Variants in FOXK1 observed in about 807,000 individuals in gnomAD.
FOXK1 encodes the protein forkhead box K1, also known as forkhead box protein K1.
FOXK1 carries 19 observed loss-of-function variants against 51.9 expected under a neutral mutation model. The ratio of observed to expected loss-of-function variants is 0.37; its 90% CI spans 0.26 to 0.54. FOXK1 has a LOEUF of 0.54. Among genes scored for constraint, FOXK1 ranks in the 20% least tolerant of loss-of-function variants. FOXK1 has a pLI of 0.87. For missense variants in FOXK1, 870 were observed against 1,032.7 expected (o/e 0.84, Z 2.16); for synonymous variants, 537 against 482.6 (o/e 1.11, Z -1.48).
chr7:4,758,938 C>G lies in FOXK1; in HGVS notation c.1245-113C>G, dbSNP rs1419168052. Reference sequence around the variant, plus strand: ...ACCGTCTGAATGCGGAGGACAGAGACGAGCTCCAGGGAGCGTGGGCGGGTG... The same window carrying G: ...ACCGTCTGAATGCGGAGGACAGAGAGGAGCTCCAGGGAGCGTGGGCGGGTG... On this transcript the variant is annotated intron_variant, in intron 5 of 8. Transcript: ENST00000328914. This position sits in a 1 kb window ranked among gnomAD's most constrained non-coding sequence, Gnocchi z 4.4. The G allele has an allele frequency of 8.6e-7, 1 of 1,166,604 alleles. No homozygotes were observed. Among genetic ancestry groups the G allele is most frequent in the Non-Finnish European group, 1.2e-6 (1 of 840,376 alleles). 72.3% of individuals were successfully genotyped at this position (1,166,604 alleles called of 1,614,324 possible).
chr7:4,741,111 ATC>A (rs1400030789), intron 2 of FOXK1, 88 bp downstream of exon 2: 4 of 956,492 alleles, frequency 4.2e-6, no homozygotes, highest in South Asian at 2.1e-5. Flanking sequence ...CGGGTTCCAA[ATC>A]TCTCTGGAAA....
At chr7:4,698,698 A>G (rs924539289) in intron 1 of FOXK1, among the ~76,000 whole-genome samples, 1 of 151,968 alleles carries the variant, frequency 6.6e-6, no homozygotes, top group African/African-American at 2.4e-5. Context: ...GACTACAGGC[A>G]CGTGCCACCA....
intron 2 of FOXK1, among the ~76,000 whole-genome samples, chr7:4,742,004 G>C (rs951737136): frequency 1.3e-5 from 2 of 152,236 alleles, no homozygotes; most frequent in African/African-American, 2.4e-5. Flanking sequence ...TCTTCATTGC[G>C]GACATTTCTA....
Position 4,723,426 on chromosome 7 carries a change from C to T in FOXK1, c.561-17412C>T, listed in dbSNP as rs1352497549. Among the ~76,000 whole-genome samples the T allele has an allele frequency of 6.6e-6, 1 of 151,880 alleles. No individual in the cohort carries two copies. Among genetic ancestry groups the T allele is most frequent in the Non-Finnish European group, 1.5e-5 (1 of 67,966 alleles). On this transcript the variant is annotated intron_variant, in intron 1 of 8. Transcript: ENST00000328914. This position sits in a 1 kb window ranked among gnomAD's most constrained non-coding sequence, Gnocchi z 4.7. ...GGACGTTCCCAGCTGACTAAATTTG[C>T]CTTCTTCCTTCAGGGACCATCTTGG...
chr7:4,737,461 CAT>C (rs1491285104), intron 1 of FOXK1, among the ~76,000 whole-genome samples: 1 of 151,000 alleles, frequency 6.6e-6, no homozygotes, highest in African/African-American at 2.4e-5. Flanking sequence ...TGCACGTGTG[CAT>C]GTGTGTGTGT....
At position 4,735,455 on chromosome 7, in the gene FOXK1, G is replaced by T. The variant is rs1404006151; in HGVS notation, c.561-5383G>T. Among the ~76,000 whole-genome samples, 1 of 152,134 alleles carries T rather than the reference G, an allele frequency of 6.6e-6. No individual in the cohort carries two copies. The highest frequency in any genetic ancestry group is 1.5e-5 in the Non-Finnish European group (1 of 68,040). On this transcript the variant is annotated intron_variant, in intron 1 of 8. Transcript: ENST00000328914. This position sits in a 1 kb window ranked among gnomAD's most constrained non-coding sequence, Gnocchi z 4.7. The stretch of plus-strand genomic sequence containing the variant: ...TTGCGCGGCCACCAAGTCAACTTCG[G>T]AACATTTTCCTGACTCTAGAAAGAA...
chr7:4,757,260 C>A, intron 5 of FOXK1, 73 bp downstream of exon 5: 1 of 1,341,072 alleles, frequency 7.5e-7, no homozygotes, highest in Non-Finnish European at 1.0e-6. Context: ...AGATACGTGG[C>A]GCAGTCAGCC....
chr7:4,755,519 C>T lies in FOXK1; in HGVS notation c.1050+136C>T, dbSNP rs1780835629. 40 of 1,226,594 alleles carry T rather than the reference C, an allele frequency of 3.3e-5. No homozygotes were observed. The highest frequency in any genetic ancestry group is 2.0e-4 in the Middle Eastern group (1 of 5,076). The allele number at this position is 1,226,594 out of a possible 1,614,324, so 76.0% of individuals were successfully genotyped here. ...CTGGAACCCTAGCATTTTGTGAGGC[C>T]GAGGCAGGAGGAGGATCAAGACCAG... On this transcript the variant is annotated intron_variant, in intron 4 of 8. Coordinates refer to ENST00000328914, the MANE Select transcript of FOXK1 (RefSeq NM_001037165.2). This position sits in a 1 kb window ranked among gnomAD's most constrained non-coding sequence, Gnocchi z 6.6.
At position 4,711,414 on chromosome 7, in the gene FOXK1, G is replaced by C. The variant is rs1048833618; in HGVS notation, c.560+28546G>C. Among the ~76,000 whole-genome samples the C allele has an allele frequency of 6.6e-6, 1 of 152,122 alleles. No homozygotes were observed. The highest frequency in any genetic ancestry group is 2.4e-5 in the African/African-American group (1 of 41,410). ...CCCAGCCAGCCGCCAGCTCTCCCTG[G>C]AGTGATTCCTGGATGTTGAGGAGGG... On this transcript the variant is annotated intron_variant, in intron 1 of 8. Transcript: ENST00000328914. This position sits in a 1 kb window ranked among gnomAD's most constrained non-coding sequence, Gnocchi z 6.3.
In FOXK1 at chr7:4,765,340, G is replaced by A. The variant is rs546676686; in HGVS notation, c.*2876G>A. On this transcript the variant is annotated 3_prime_UTR_variant, in exon 9 of 9. Transcript: ENST00000328914. ...ACAAAGCCCTCCCTGTGTGCCCTGA[G>A]CCAGCCCAGCAAGCGCCTCCCAGCC... 1.3e-5 allele frequency: 2 copies of A among 152,450 alleles called. No individual in the cohort carries two copies. The highest frequency in any genetic ancestry group is 2.4e-5 in the African/African-American group (1 of 41,598). 9.4% of individuals were successfully genotyped at this position (152,450 alleles called of 1,614,324 possible).
At position 4,706,032 on chromosome 7, in the gene FOXK1, A is replaced by T. The variant is rs1463044226; in HGVS notation, c.560+23164A>T. Among the ~76,000 whole-genome samples the T allele has an allele frequency of 3.9e-5, 4 of 102,186 alleles. 1 individual carries two copies. The highest frequency in any genetic ancestry group is 7.1e-5 in the Non-Finnish European group (4 of 56,362). 67.0% of individuals were successfully genotyped at this position (102,186 alleles called of 152,430 possible). On this transcript the variant is annotated intron_variant, in intron 1 of 8. Transcript: ENST00000328914. The stretch of plus-strand genomic sequence containing the variant: ...TATATACGTATATATACGTGTATAT[A>T]CGTGTATATACGTGTATATATGTAT...
At position 4,711,367 on chromosome 7, in the gene FOXK1, G is replaced by T. The variant is rs923951499; in HGVS notation, c.560+28499G>T. Among the ~76,000 whole-genome samples the T allele has an allele frequency of 6.6e-6, 1 of 152,156 alleles. No homozygotes were observed. The highest frequency in any genetic ancestry group is 1.5e-5 in the Non-Finnish European group (1 of 68,032). On this transcript the variant is annotated intron_variant, in intron 1 of 8. Transcript: ENST00000328914. The surrounding 1 kb of genome is among the most constrained non-coding windows in gnomAD (Gnocchi z 6.3). The stretch of plus-strand genomic sequence containing the variant: ...GAGTGGAAGGGCTTCCTGTGAGAGG[G>T]TGTGGCAGTCCGGGGGTGGGTCCCA...
chr7:4,715,635 C>T lies in FOXK1; in HGVS notation c.561-25203C>T, dbSNP rs1056430743. Among the ~76,000 whole-genome samples the T allele has an allele frequency of 6.6e-6, 1 of 152,158 alleles. No homozygotes were observed. The highest frequency in any genetic ancestry group is 1.5e-5 in the Non-Finnish European group (1 of 68,024). Reference sequence around the variant, plus strand: ...AAATACGGAACTTGGCGAGTTCTTGCGGCCATCCCTTTTGTTCCCTGCTGT... The same window carrying T: ...AAATACGGAACTTGGCGAGTTCTTGTGGCCATCCCTTTTGTTCCCTGCTGT... On this transcript the variant is annotated intron_variant, in intron 1 of 8. Transcript: ENST00000328914. This position sits in a 1 kb window ranked among gnomAD's most constrained non-coding sequence, Gnocchi z 4.5.
rs1295943548 is a variant in FOXK1 at position 4,734,404 on chromosome 7, TC to T, written c.561-6431del. On this transcript the variant is annotated intron_variant, in intron 1 of 8. Coordinates refer to ENST00000328914, the MANE Select transcript of FOXK1 (RefSeq NM_001037165.2). This position sits in a 1 kb window ranked among gnomAD's most constrained non-coding sequence, Gnocchi z 5.2. ...CTTGGTGGGCAGGTGCAGGGCCCGC[TC>T]CCTCCTTGGGAGGATGAGATGCTCT... Among the ~76,000 whole-genome samples the T allele has an allele frequency of 2.0e-5, 3 of 152,170 alleles. No individual in the cohort carries two copies. Among genetic ancestry groups the T allele is most frequent in the Non-Finnish European group, 4.4e-5 (3 of 68,034 alleles).
At chr7:4,697,116 C>A (rs1779963352) in intron 1 of FOXK1, among the ~76,000 whole-genome samples, 1 of 152,164 alleles carries the variant, frequency 6.6e-6, no homozygotes, top group South Asian at 2.1e-4. Context: ...GATTCAGGGA[C>A]CCAGGCTGGC....
intron 1 of FOXK1, among the ~76,000 whole-genome samples, chr7:4,701,230 C>G (rs1780017671): frequency 6.6e-6 from 1 of 152,108 alleles, no homozygotes; most frequent in African/African-American, 2.4e-5. Flanking sequence ...AGCTGCTTAT[C>G]TAGAGAATGG....
At position 4,749,044 on chromosome 7, in the gene FOXK1, A is replaced by T. The variant is rs1780742296; in HGVS notation, c.747-5415A>T. ...GGCGGGCCTCTGAGCTGAGTCTCTC[A>T]TGCCTCTCCTTTCCTTTCTCTCTCT... is the stretch of plus-strand genomic sequence containing the variant. On this transcript the variant is annotated intron_variant, in intron 2 of 8. Coordinates refer to ENST00000328914, the MANE Select transcript of FOXK1 (RefSeq NM_001037165.2). The surrounding 1 kb of genome is among the most constrained non-coding windows in gnomAD (Gnocchi z 6.0). Among the ~76,000 whole-genome samples, 1 of 152,192 alleles carries T rather than the reference A, an allele frequency of 6.6e-6. No homozygotes were observed. The highest frequency in any genetic ancestry group is 2.1e-4 in the South Asian group (1 of 4,818).
chr7:4,741,310 G>A (rs1299582633), intron 2 of FOXK1, among the ~76,000 whole-genome samples: 2 of 150,230 alleles, frequency 1.3e-5, no homozygotes, highest in Non-Finnish European at 2.9e-5. Flanking sequence ...TTTTTTTAAA[G>A]GGCGTTGAAA....
chr7:4,700,462 C>T (rs1780007419), intron 1 of FOXK1, among the ~76,000 whole-genome samples: 1 of 152,174 alleles, frequency 6.6e-6, no homozygotes, highest in Non-Finnish European at 1.5e-5. Flanking sequence ...AGTGGGCACA[C>T]TTCCTTTTTC....
Sources: allele counts gnomAD v4.1 joint callset (sites outside exome capture counted in the v4.1 genomes callset), GRCh38; gene constraint gnomAD v4.1.1; non-coding constraint Gnocchi (gnomAD v3.1); transcripts MANE v1.5; gene names NCBI Gene and HGNC (gene_info 2026-07-23, HGNC 2026-07-21).